The following CPB2 variants were observed in gnomAD, a reference collection of about 807,000 sequenced individuals.
The protein encoded by CPB2 is carboxypeptidase B2, also known as carboxypeptidase B-like protein.
A neutral mutation model predicts 57.0 loss-of-function variants in CPB2; 54 were observed. The ratio of observed to expected loss-of-function variants is 0.95; its 90% CI spans 0.76 to 1.19. CPB2 has a LOEUF of 1.19. CPB2 is among the 50% of genes most tolerant of loss of function. The pLI, the probability that CPB2 is intolerant of heterozygous loss-of-function variation, is 0.00. For synonymous variants in CPB2, 189 were observed against 178.1 expected, an observed-to-expected ratio of 1.06 and a Z score of -0.49; for missense variants, 426 against 512.0, an observed-to-expected ratio of 0.83 and a Z score of 1.62.
intron 2 of CPB2, among the ~76,000 whole-genome samples, chr13:46,086,373 T>C (rs2045204839): frequency 6.6e-6 from 1 of 152,020 alleles, no homozygotes; most frequent in Admixed American, 6.5e-5. Flanking sequence ...TACTGAGTAA[T>C]AGAACAGCTC....
chr13:46,055,777 C>T lies in CPB2; in HGVS notation c.1072G>A (p.Gly358Ser), dbSNP rs1306959815. ...AAATACTTACATAAGGTTTCTGAGC[C>T]ATGGCCATGTGTATACCTGGTATTT... ...SKNTRYTHGHGSETLYLAPGG... is the reference protein window; with the variant it reads ...SKNTRYTHGHSSETLYLAPGG... The change falls in exon 10 of 11, where the codon GGC becomes AGC. Residue 358 changes from glycine to serine, a missense_variant. Coordinates refer to ENST00000181383, the MANE Select transcript of CPB2 (RefSeq NM_001872.5). The T allele has an allele frequency of 1.3e-6, 2 of 1,589,914 alleles. No homozygotes were observed. The highest frequency in any genetic ancestry group is 2.7e-5 in the African/African-American group (2 of 74,096).
intron 1 of CPB2, among the ~76,000 whole-genome samples, chr13:46,093,300 G>T (rs1268081099): frequency 6.6e-6 from 1 of 152,198 alleles, no homozygotes; most frequent in Non-Finnish European, 1.5e-5. Flanking sequence ...TCTATGGAGA[G>T]ACTTGCTTAT....
intron 4 of CPB2, 53 bp from the exon 5 acceptor site, chr13:46,078,954 C>A: frequency 3.5e-6 from 4 of 1,154,250 alleles, no homozygotes; most frequent in South Asian, 1.2e-5. Flanking sequence ...AAAGCATTTC[C>A]CTGACCAAAG....
intron 7 of CPB2, 37 bp from the exon 8 acceptor site, chr13:46,064,778 C>A (rs746544456): frequency 6.4e-7 from 1 of 1,563,678 alleles, no homozygotes; most frequent in African/African-American, 1.3e-5. Flanking sequence ...ACCTGGGTAG[C>A]CACGTTCAAG....
chr13:46,091,883 A>G (rs1475196824), intron 1 of CPB2, among the ~76,000 whole-genome samples: 1 of 152,228 alleles, frequency 6.6e-6, no homozygotes. Flanking sequence ...AGTGATAAGG[A>G]GAGAAAGGAA....
intron 5 of CPB2, among the ~76,000 whole-genome samples, chr13:46,077,826 T>A (rs1025362719): frequency 1.4e-4 from 22 of 152,128 alleles, no homozygotes; most frequent in Admixed American, 6.5e-4. Flanking sequence ...TGCCCTGAAA[T>A]AAGCTATGTA....
At chr13:46,076,614 G>C (rs1467341263) in intron 5 of CPB2, among the ~76,000 whole-genome samples, 1 of 151,966 alleles carries the variant, frequency 6.6e-6, no homozygotes, top group Non-Finnish European at 1.5e-5. Flanking sequence ...ACTCTTCATA[G>C]AAAGAGAAAA....
chr13:46,079,016 G>A (rs971837391), intron 4 of CPB2, 115 bp from the exon 5 acceptor site: 57 of 658,600 alleles, frequency 8.7e-5, no homozygotes, highest in Admixed American at 1.5e-4. Context: ...TGGAATGCAC[G>A]AGGACCTAAA....
At position 46,087,824 on chromosome 13, in the gene CPB2, G is replaced by T. The variant is rs754560558; in HGVS notation, c.75-4C>A. On this transcript the variant is annotated splice_polypyrimidine_tract_variant and splice_region_variant and intron_variant, in intron 1 of 10. Transcript: ENST00000181383. The stretch of plus-strand genomic sequence containing the variant: ...AAGAGCAGCTAGAACTTGGCCACTG[G>T]GGAAAAAAATAAAAGAGGATTTTGA... The T allele has an allele frequency of 6.9e-6, 11 of 1,593,616 alleles. No individual in the cohort carries two copies. Among genetic ancestry groups the T allele is most frequent in the Non-Finnish European group, 9.4e-6 (11 of 1,166,852 alleles).
chr13:46,102,783 T>C (rs1407952004), intron 1 of CPB2, among the ~76,000 whole-genome samples: 2 of 152,118 alleles, frequency 1.3e-5, no homozygotes, highest in Non-Finnish European at 2.9e-5. Context: ...GCAATGTTAT[T>C]TCCAGTGAAG....
chr13:46,090,809 C>A (rs1354287022), intron 1 of CPB2, among the ~76,000 whole-genome samples: 1 of 151,624 alleles, frequency 6.6e-6, no homozygotes, highest in Non-Finnish European at 1.5e-5. Flanking sequence ...CTGCAACCTC[C>A]ACGTCCCTGG....
At position 46,091,040 on chromosome 13, in the gene CPB2, T is replaced by C. The variant is rs1031080198; in HGVS notation, c.75-3220A>G. On this transcript the variant is annotated intron_variant, in intron 1 of 10. Transcript: ENST00000181383. ...TGCCCGGCTGCACATTTTTAAATTA[T>C]GTTTTCTTCTAACAAATTTGCCTTT... Among the ~76,000 whole-genome samples, 8 of 152,358 alleles carry C rather than the reference T, an allele frequency of 5.3e-5. No homozygotes were observed. The South Asian group carries it at 1.7e-3, about 32-fold the overall frequency.
At chr13:46,083,753 G>C (rs546045147) in intron 3 of CPB2, among the ~76,000 whole-genome samples, 5 of 152,344 alleles carry the variant, frequency 3.3e-5, no homozygotes, top group African/African-American at 1.2e-4. Context: ...GGCAGTGCCA[G>C]ACTAACCCGA....
At chr13:46,060,673 C>T (rs1566397789) in intron 8 of CPB2, among the ~76,000 whole-genome samples, 1 of 152,108 alleles carries the variant, frequency 6.6e-6, no homozygotes, top group African/African-American at 2.4e-5. Context: ...ATTTTAAGCA[C>T]TGGATAGCCA....
At chr13:46,065,409 G>C (rs914355355) in intron 7 of CPB2, among the ~76,000 whole-genome samples, 1 of 151,982 alleles carries the variant, frequency 6.6e-6, no homozygotes, top group Non-Finnish European at 1.5e-5. Flanking sequence ...GGCGGATCAC[G>C]AGGTCAGGAG....
intron 4 of CPB2, among the ~76,000 whole-genome samples, chr13:46,079,535 C>CAAAAAAAAAAAAAAAAAAGAAAAAAAAAA (rs2045075733): frequency 1.8e-5 from 2 of 111,010 alleles, no homozygotes; most frequent in Admixed American, 1.0e-4. Flanking sequence ...AAGGAAAAAG[C>CAAAAAAAAAAAAAAAAAAGAAAAAAAAAA]AAAAAAAAAA....
chr13:46,078,010 T>C (rs1263181533), intron 5 of CPB2, among the ~76,000 whole-genome samples: 1 of 152,118 alleles, frequency 6.6e-6, no homozygotes, highest in Non-Finnish European at 1.5e-5. Flanking sequence ...AGTAGCACAG[T>C]AGGGTGACGA....
At chr13:46,055,664 TATTTA>T in intron 10 of CPB2, 93 bp downstream of exon 10, 1 of 619,630 alleles carries the variant, frequency 1.6e-6, no homozygotes, top group Non-Finnish European at 2.8e-6. Context: ...CATGTGACCC[TATTTA>T]ATTCAGAAAA....
chr13:46,089,873 G>A (rs4280137), intron 1 of CPB2, among the ~76,000 whole-genome samples: 117,088 of 152,142 alleles, frequency 0.77, 45,256 homozygotes, highest in East Asian at 0.81. Context: ...TTTATAAGCT[G>A]CACCACTTAA....
Sources: allele counts gnomAD v4.1 joint callset (sites outside exome capture counted in the v4.1 genomes callset), GRCh38; gene constraint gnomAD v4.1.1; transcripts MANE v1.5; gene names NCBI Gene and HGNC (gene_info 2026-07-23, HGNC 2026-07-21).